The following C9orf153 variants were observed in gnomAD, a reference collection of about 807,000 sequenced individuals.
The protein encoded by C9orf153 is chromosome 9 open reading frame 153, also known as uncharacterized protein C9orf153.
C9orf153 carries 10 observed loss-of-function variants against 9.0 expected under a neutral mutation model. The ratio of observed to expected loss-of-function variants is 1.11; its 90% CI spans 0.69 to 1.89. The LOEUF (loss-of-function observed/expected upper bound fraction) is 1.89, where lower values mean the gene tolerates loss of function less well. Among genes scored for constraint, C9orf153 ranks in the 40% most tolerant of loss-of-function variants. The pLI, the probability that C9orf153 is intolerant of heterozygous loss-of-function variation, is 0.00. For missense variants in C9orf153, 108 were observed against 111.0 expected, an observed-to-expected ratio of 0.97 and a Z score of 0.12; for synonymous variants, 35 against 37.3, an observed-to-expected ratio of 0.94 and a Z score of 0.23.
chr9:86,259,253 T>C (rs1004890435), intron 1 of C9orf153, among the ~76,000 whole-genome samples: 3 of 151,956 alleles, frequency 2.0e-5, no homozygotes, highest in African/African-American at 7.3e-5. Flanking sequence ...GGCACTGAGG[T>C]TGGGGAGAGA....
At chr9:86,255,822 G>C (rs143045314) in intron 1 of C9orf153, among the ~76,000 whole-genome samples, 1 of 152,238 alleles carries the variant, frequency 6.6e-6, no homozygotes, top group African/African-American at 2.4e-5. Flanking sequence ...CCTTCAGAGG[G>C]CAAAAAGGAC....
chr9:86,249,716 T>C (rs555666343), intron 1 of C9orf153, among the ~76,000 whole-genome samples: 14 of 152,140 alleles, frequency 9.2e-5, no homozygotes, highest in Non-Finnish European at 1.6e-4. Flanking sequence ...ACTCGACTTA[T>C]TTTTCTTTAT....
Position 86,228,050 on chromosome 9 carries a change from TG to T in C9orf153, c.67-21del, listed in dbSNP as rs764462489. Reference sequence around the variant, plus strand: ...TGGAAGCTGTGGACAAAAAAAAAAGTGGTAAGTCACGAGACTGACAAAAATG... The same window carrying T: ...TGGAAGCTGTGGACAAAAAAAAAAGTGTAAGTCACGAGACTGACAAAAATG... On this transcript the variant is annotated intron_variant, in intron 2 of 3. Transcript: ENST00000339137. 1.3e-6 allele frequency: 2 copies of T among 1,539,572 alleles called. No individual in the cohort carries two copies. The highest frequency in any genetic ancestry group is 8.8e-7 in the Non-Finnish European group (1 of 1,136,958).
Position 86,229,552 on chromosome 9 carries a change from G to T in C9orf153, c.52C>A (p.Leu18Ile). 1 of 1,610,498 alleles carries T rather than the reference G, an allele frequency of 6.2e-7. No individual in the cohort carries two copies. Among genetic ancestry groups the T allele is most frequent in the Non-Finnish European group, 8.5e-7 (1 of 1,176,786 alleles). ...SPAEDNREATLPQCSLPELYA... is the reference protein window; with the variant it reads ...SPAEDNREATIPQCSLPELYA... ...TAAGTACATACTGAACATTGAGGAAGGGTGGCTTCTCTATTGTCCTCAGCT... is the reference window on the plus strand; with the variant it reads ...TAAGTACATACTGAACATTGAGGAATGGTGGCTTCTCTATTGTCCTCAGCT... The change falls in exon 2 of 4, where the codon CTT (leucine) becomes ATT (isoleucine). Residue 18 changes from leucine (L) to isoleucine (I), a missense_variant. By Grantham distance (5) the Leu-to-Ile change is conservative. Coordinates refer to ENST00000339137, the MANE Select transcript of C9orf153 (RefSeq NM_001276366.4).
intron 1 of C9orf153, among the ~76,000 whole-genome samples, chr9:86,230,499 C>A (rs1283050006): frequency 6.6e-6 from 1 of 152,182 alleles, no homozygotes; most frequent in African/African-American, 2.4e-5. Flanking sequence ...CAGGGTTTCA[C>A]CGTGTTGGTC....
At chr9:86,237,829 AG>A (rs1299073314) in intron 1 of C9orf153, among the ~76,000 whole-genome samples, 1 of 152,152 alleles carries the variant, frequency 6.6e-6, no homozygotes, top group East Asian at 1.9e-4. Context: ...CTGTAATCCC[AG>A]TACTTTAGGA....
At chr9:86,225,005 T>C (rs922259207) in intron 3 of C9orf153, among the ~76,000 whole-genome samples, 5 of 151,792 alleles carry the variant, frequency 3.3e-5, no homozygotes, top group Non-Finnish European at 1.5e-5. Flanking sequence ...CTTCTAATTA[T>C]GTAAGAAAAA....
At position 86,222,536 on chromosome 9, in the gene C9orf153, C is replaced by T. The variant is rs573891407; in HGVS notation, c.243-803G>A. Among the ~76,000 whole-genome samples, 11 of 152,236 alleles carry T rather than the reference C, an allele frequency of 7.2e-5. No individual in the cohort carries two copies. The South Asian group carries it at 2.1e-3, about 29-fold the overall frequency. On this transcript the variant is annotated intron_variant, in intron 3 of 3. Transcript: ENST00000339137. Reference sequence around the variant, plus strand: ...AATCTGGCCATTCTCCATACTCATTCAGAAACCACAAGCTTGAGGTGTCAT... The same window carrying T: ...AATCTGGCCATTCTCCATACTCATTTAGAAACCACAAGCTTGAGGTGTCAT...
intron 1 of C9orf153, among the ~76,000 whole-genome samples, chr9:86,240,400 A>G (rs75403253): frequency 0.023 from 3,253 of 139,892 alleles, 55 homozygotes; most frequent in East Asian, 0.049. Flanking sequence ...TTTTGGCAAT[A>G]GAGTCTTGCT....
intron 1 of C9orf153, among the ~76,000 whole-genome samples, chr9:86,247,222 T>C (rs887853967): frequency 1.3e-5 from 2 of 152,082 alleles, no homozygotes; most frequent in African/African-American, 2.4e-5. Context: ...ACCTCAGGAG[T>C]GGATCAAAGC....
At chr9:86,253,745 C>A (rs1825044461) in intron 1 of C9orf153, among the ~76,000 whole-genome samples, 1 of 152,148 alleles carries the variant, frequency 6.6e-6, no homozygotes, top group Non-Finnish European at 1.5e-5. Context: ...TAGTACCAAG[C>A]CACAGTGCCC....
At chr9:86,233,642 C>T (rs1824517031) in intron 1 of C9orf153, among the ~76,000 whole-genome samples, 1 of 152,048 alleles carries the variant, frequency 6.6e-6, no homozygotes, top group South Asian at 2.1e-4. Flanking sequence ...GTCTCAAACT[C>T]CTGACCTCAG....
intron 1 of C9orf153, among the ~76,000 whole-genome samples, chr9:86,247,332 T>C (rs952611813): frequency 6.7e-6 from 1 of 149,838 alleles, no homozygotes; most frequent in African/African-American, 2.4e-5. Flanking sequence ...CTTGTGCACA[T>C]TCCTCTACTT....
chr9:86,244,553 A>T (rs1444829849), intron 1 of C9orf153, among the ~76,000 whole-genome samples: 2 of 152,256 alleles, frequency 1.3e-5, no homozygotes, highest in African/African-American at 4.8e-5. Context: ...ATAGATCTAA[A>T]AGAGCTCTTC....
chr9:86,259,030 TG>T (rs1315389297), intron 1 of C9orf153, among the ~76,000 whole-genome samples: 5 of 117,296 alleles, frequency 4.3e-5, no homozygotes, highest in Non-Finnish European at 9.2e-5. Flanking sequence ...TACAGAGCAG[TG>T]TTTTTTTTTT....
At chr9:86,229,329 T>C (rs1463389493) in intron 2 of C9orf153, among the ~76,000 whole-genome samples, 1 of 151,564 alleles carries the variant, frequency 6.6e-6, no homozygotes, top group Non-Finnish European at 1.5e-5. Context: ...ACAACCACAC[T>C]ATCACGAAAA....
intron 1 of C9orf153, among the ~76,000 whole-genome samples, chr9:86,256,976 CAG>C (rs1825134370): frequency 6.6e-6 from 1 of 152,036 alleles, no homozygotes; most frequent in Non-Finnish European, 1.5e-5. Flanking sequence ...CTGGGCAACA[CAG>C]GGGGAAACCT....
chr9:86,243,466 CTTCTT>C (rs981864820), intron 1 of C9orf153, among the ~76,000 whole-genome samples: 4 of 124,456 alleles, frequency 3.2e-5, no homozygotes, highest in Non-Finnish European at 6.3e-5. Context: ...TTTTTCTTTT[CTTCTT>C]TTTTTTTTTT....
chr9:86,230,167 C>T (rs76375393), intron 1 of C9orf153, among the ~76,000 whole-genome samples: 3,280 of 152,228 alleles, frequency 0.022, 113 homozygotes, highest in African/African-American at 0.072. Context: ...TTTGCTTTTT[C>T]GTAGTTTAGG....
Sources: gnomAD v4.1 joint callset for allele counts (sites outside exome capture counted in the v4.1 genomes callset) on GRCh38, gnomAD v4.1.1 for gene constraint, MANE v1.5 for transcripts, NCBI Gene and HGNC (gene_info 2026-07-23, HGNC 2026-07-21) for gene names.